CNTNAP2: variants seen among roughly 807,000 people sequenced by gnomAD.
The protein encoded by CNTNAP2 is contactin-associated protein-like 2.
A neutral mutation model predicts 155.2 loss-of-function variants in CNTNAP2; 98 were observed. That is an observed-to-expected ratio of 0.63 (90% confidence interval 0.54 to 0.75). The LOEUF is 0.75. Ranked by LOEUF, CNTNAP2 falls within the 30% of genes least tolerant of loss-of-function variation. The pLI is 0.00. For missense variants in CNTNAP2, 1,727 were observed against 1,688.1 expected, an observed-to-expected ratio of 1.02 and a Z score of -0.40; for synonymous variants, 651 against 631.2, an observed-to-expected ratio of 1.03 and a Z score of -0.47.
chr7:146,736,990 G>A (rs972248771), intron 1 of CNTNAP2, among the ~76,000 whole-genome samples: 13 of 152,118 alleles, frequency 8.5e-5, no homozygotes, highest in East Asian at 1.9e-4. Flanking sequence ...GCTTTTAGCC[G>A]TAAGTTTACT....
intron 21 of CNTNAP2, among the ~76,000 whole-genome samples, chr7:148,322,473 A>C (rs1000582194): frequency 6.6e-6 from 1 of 152,222 alleles, no homozygotes; most frequent in African/African-American, 2.4e-5. Flanking sequence ...GTATATGCTT[A>C]TATCTAACCT....
intron 1 of CNTNAP2, among the ~76,000 whole-genome samples, chr7:146,349,773 C>T (rs1794884111): frequency 2.0e-5 from 3 of 152,066 alleles, no homozygotes; most frequent in Non-Finnish European, 4.4e-5. Context: ...AAATTATTTT[C>T]TTTAAGAATG....
At chr7:147,883,565 C>T (rs1563122897) in intron 13 of CNTNAP2, among the ~76,000 whole-genome samples, 2 of 152,202 alleles carry the variant, frequency 1.3e-5, no homozygotes, top group East Asian at 3.9e-4. Context: ...AATTGCTGTA[C>T]CTTTTACATA....
In CNTNAP2 at chr7:147,746,967, C is replaced by G. The variant is rs971505330; in HGVS notation, c.2098+107661C>G. 3.3e-5 allele frequency among the ~76,000 whole-genome samples: 5 copies of G among 152,180 alleles called. No individual in the cohort carries two copies. The East Asian group carries it at 9.6e-4, about 29-fold the overall frequency. ...TTCAGTTTAGTTTCCACCTCAGGCC[C>G]TAGCTGAGATATAAAGGTATGCAAG... On this transcript the variant is annotated intron_variant, in intron 13 of 23. Transcript: ENST00000361727.
chr7:147,585,209 C>A (rs1161798025), intron 12 of CNTNAP2, among the ~76,000 whole-genome samples: 1 of 151,908 alleles, frequency 6.6e-6, no homozygotes, highest in Admixed American at 6.6e-5. Context: ...GTTGGCTTAC[C>A]CAATTAAAGA....
At chr7:147,057,433 T>C (rs1337964631) in intron 4 of CNTNAP2, among the ~76,000 whole-genome samples, 3 of 152,212 alleles carry the variant, frequency 2.0e-5, no homozygotes, top group Admixed American at 2.0e-4. Context: ...CATAAATGTT[T>C]TAAAACAAAT....
At chr7:146,507,260 A>G (rs1089447) in intron 1 of CNTNAP2, among the ~76,000 whole-genome samples, 67,234 of 152,048 alleles carry the variant, frequency 0.44, 16,769 homozygotes, top group African/African-American at 0.69. Context: ...GCTCACCTCC[A>G]TTCCAAAGTT....
At chr7:146,151,526 A>T (rs1256272269) in intron 1 of CNTNAP2, among the ~76,000 whole-genome samples, 1 of 149,082 alleles carries the variant, frequency 6.7e-6, no homozygotes, top group Non-Finnish European at 1.5e-5. Context: ...TTCCCTTAGC[A>T]TAATGTTCTC....
intron 8 of CNTNAP2, among the ~76,000 whole-genome samples, chr7:147,191,415 C>T (rs543200328): frequency 2.6e-5 from 4 of 152,196 alleles, no homozygotes; most frequent in African/African-American, 9.6e-5. Flanking sequence ...TGTGTAAAAA[C>T]GCAAAGTTCA....
At chr7:147,021,115 C>T (rs948283649) in intron 3 of CNTNAP2, among the ~76,000 whole-genome samples, 2 of 152,104 alleles carry the variant, frequency 1.3e-5, no homozygotes, top group Admixed American at 6.5e-5. Context: ...GCCCAGGGTA[C>T]GCAGGCTGCA....
chr7:147,050,602 A>G (rs1799455029), intron 4 of CNTNAP2, among the ~76,000 whole-genome samples: 2 of 152,170 alleles, frequency 1.3e-5, no homozygotes, highest in South Asian at 4.1e-4. Context: ...TGCTGTGTTG[A>G]TGGCACGTCT....
intron 10 of CNTNAP2, among the ~76,000 whole-genome samples, chr7:147,419,549 C>A (rs1333231932): frequency 6.6e-6 from 1 of 152,018 alleles, no homozygotes; most frequent in Non-Finnish European, 1.5e-5. Context: ...TGCCTCTTTA[C>A]AATTATGATT....
chr7:146,443,263 A>AATAG (rs1478555431), intron 1 of CNTNAP2, among the ~76,000 whole-genome samples: 13 of 146,950 alleles, frequency 8.8e-5, no homozygotes, highest in African/African-American at 3.0e-4. Flanking sequence ...TAAATAGATA[A>AATAG]ATAAAAGCAT....
intron 1 of CNTNAP2, among the ~76,000 whole-genome samples, chr7:146,202,962 C>T (rs1326515812): frequency 6.6e-6 from 1 of 152,070 alleles, no homozygotes; most frequent in Non-Finnish European, 1.5e-5. Flanking sequence ...TTTTGTAAAT[C>T]CTGTTCTCTG....
intron 9 of CNTNAP2, among the ~76,000 whole-genome samples, chr7:147,338,060 G>A (rs1201000356): frequency 1.3e-5 from 2 of 152,124 alleles, no homozygotes; most frequent in Non-Finnish European, 2.9e-5. Context: ...TTGTTATAAG[G>A]AAATACCTGA....
chr7:147,114,284 C>A (rs1437557034), intron 5 of CNTNAP2, among the ~76,000 whole-genome samples: 1 of 152,022 alleles, frequency 6.6e-6, no homozygotes, highest in East Asian at 1.9e-4. Flanking sequence ...TATGCATATT[C>A]TGTTGTCTTG....
chr7:148,227,262 G>A (rs765900671), intron 19 of CNTNAP2, among the ~76,000 whole-genome samples: 33 of 152,236 alleles, frequency 2.2e-4, no homozygotes, highest in African/African-American at 7.0e-4. Context: ...CAAGGGTCAC[G>A]GGCCCAGCAA....
chr7:148,406,060 G>A (rs576666857), intron 22 of CNTNAP2, among the ~76,000 whole-genome samples: 22 of 151,774 alleles, frequency 1.4e-4, no homozygotes, highest in African/African-American at 4.8e-4. Flanking sequence ...GTGAAACCCC[G>A]TTTCTACTAA....
chr7:146,915,142 A>C (rs1796368324), intron 3 of CNTNAP2, among the ~76,000 whole-genome samples: 2 of 152,014 alleles, frequency 1.3e-5, no homozygotes, highest in East Asian at 1.9e-4. Context: ...ATTTGGCTCT[A>C]TTTATGGGTT....
Sources: gnomAD v4.1 joint callset for allele counts (sites outside exome capture counted in the v4.1 genomes callset) on GRCh38, gnomAD v4.1.1 for gene constraint, MANE v1.5 for transcripts, NCBI Gene and HGNC (gene_info 2026-07-23, HGNC 2026-07-21) for gene names.